B4GALNT3: variants seen among roughly 807,000 people sequenced by gnomAD.
B4GALNT3 encodes beta-1,4-N-acetylgalactosaminyltransferase 3.
In B4GALNT3, 86 loss-of-function variants were observed where a neutral mutation model predicts 120.2. The ratio of observed to expected loss-of-function variants is 0.72; its 90% CI spans 0.60 to 0.86. B4GALNT3 has a LOEUF of 0.86. Ranked by LOEUF, B4GALNT3 falls within the 40% of genes least tolerant of loss-of-function variation. B4GALNT3 has a pLI of 0.00. For synonymous variants in B4GALNT3, 518 were observed against 510.4 expected (o/e 1.01, Z -0.20); for missense variants, 1,167 against 1,298.9 (o/e 0.90, Z 1.56).
chr12:555,876 C>T (rs892108861), intron 14 of B4GALNT3, among the ~76,000 whole-genome samples: 15 of 152,092 alleles, frequency 9.9e-5, no homozygotes, highest in South Asian at 2.1e-4. Context: ...CTCCGCCTCC[C>T]GGGTTCACGC....
At chr12:500,820 G>T (rs1946431981) in intron 1 of B4GALNT3, among the ~76,000 whole-genome samples, 1 of 138,754 alleles carries the variant, frequency 7.2e-6, no homozygotes, top group Non-Finnish European at 1.5e-5. Flanking sequence ...TAAGCATTTT[G>T]AACTCACCCC....
At position 483,852 on chromosome 12, in the gene B4GALNT3, G is replaced by T. The variant is rs1480688172; in HGVS notation, c.169+23307G>T. Among the ~76,000 whole-genome samples the T allele has an allele frequency of 5.3e-5, 8 of 152,148 alleles. No homozygotes were observed. The East Asian group carries it at 1.5e-3, about 29-fold the overall frequency. On this transcript the variant is annotated intron_variant, in intron 1 of 19. Coordinates refer to ENST00000266383, the MANE Select transcript of B4GALNT3 (RefSeq NM_173593.4). ...CAGAGTTTCATGGTGAATCTTCTTTGCAGTCAGATTCAAGTGCTCACATCT... is the reference window on the plus strand; with the variant it reads ...CAGAGTTTCATGGTGAATCTTCTTTTCAGTCAGATTCAAGTGCTCACATCT...
In B4GALNT3 at chr12:512,656, CCTT is replaced by C. The variant is rs1194896354; in HGVS notation, c.170-22505_170-22503del. ...TCCGCCTTCCACCTTCCACCTTCCA[CCTT>C]CTTCCACCTTCCACCTTCCACCTTC... On this transcript the variant is annotated intron_variant, in intron 1 of 19. Transcript: ENST00000266383. 7.8e-3 allele frequency among the ~76,000 whole-genome samples: 992 copies of C among 127,486 alleles called. 47 individuals are homozygous for C. The highest frequency in any genetic ancestry group is 0.027 in the African/African-American group (890 of 32,904). 83.6% of individuals were successfully genotyped at this position (127,486 alleles called of 152,430 possible). A position where few individuals can be genotyped will look rare whatever the true frequency, so the allele number is the denominator to read the frequency against.
At chr12:502,978 C>T (rs772190855) in intron 1 of B4GALNT3, among the ~76,000 whole-genome samples, 23 of 151,996 alleles carry the variant, frequency 1.5e-4, no homozygotes, top group Non-Finnish European at 1.6e-4. Context: ...AGGCTGGTCT[C>T]GAACTCCAAG....
At chr12:522,795 A>G (rs1017958238) in intron 1 of B4GALNT3, among the ~76,000 whole-genome samples, 2 of 151,712 alleles carry the variant, frequency 1.3e-5, no homozygotes, top group African/African-American at 4.8e-5. Flanking sequence ...AAAATTAGCC[A>G]GGCATGGTGG....
intron 1 of B4GALNT3, among the ~76,000 whole-genome samples, chr12:464,468 A>G (rs1946056813): frequency 6.6e-6 from 1 of 151,774 alleles, no homozygotes; most frequent in Non-Finnish European, 1.5e-5. Flanking sequence ...CATCTCTACT[A>G]AAAAAGATTA....
intron 1 of B4GALNT3, among the ~76,000 whole-genome samples, chr12:533,677 C>A (rs1391132081): frequency 1.3e-5 from 2 of 152,174 alleles, no homozygotes; most frequent in Non-Finnish European, 2.9e-5. Flanking sequence ...CGCTCTTTCC[C>A]TATCTGTGAA....
chr12:464,396 G>A (rs906672843), intron 1 of B4GALNT3, among the ~76,000 whole-genome samples: 2 of 152,110 alleles, frequency 1.3e-5, no homozygotes, highest in African/African-American at 4.8e-5. Flanking sequence ...TTGGGAGGCC[G>A]AGGCGGGCAG....
At chr12:512,327 TCCAC>T (rs1946590794) in intron 1 of B4GALNT3, among the ~76,000 whole-genome samples, 1 of 132,058 alleles carries the variant, frequency 7.6e-6, no homozygotes, top group African/African-American at 3.1e-5. Context: ...CCTTCCACCT[TCCAC>T]CTTCCTTCCA....
chr12:469,981 A>G (rs1175003294), intron 1 of B4GALNT3, among the ~76,000 whole-genome samples: 1 of 152,138 alleles, frequency 6.6e-6, no homozygotes, highest in Non-Finnish European at 1.5e-5. Flanking sequence ...TGGCCAGTGT[A>G]CATCCTAGCT....
chr12:514,419 G>A (rs1006470330), intron 1 of B4GALNT3, among the ~76,000 whole-genome samples: 11 of 151,628 alleles, frequency 7.3e-5, no homozygotes, highest in South Asian at 4.2e-4. Flanking sequence ...GGATGGTCTC[G>A]ATCTACTGAC....
intron 1 of B4GALNT3, among the ~76,000 whole-genome samples, chr12:497,492 AC>A (rs1946400217): frequency 1.3e-5 from 2 of 152,310 alleles, no homozygotes; most frequent in South Asian, 4.1e-4. Context: ...TGGATATGCC[AC>A]GTTTTGTTCA....
At chr12:492,451 C>T (rs1242278791) in intron 1 of B4GALNT3, among the ~76,000 whole-genome samples, 1 of 152,150 alleles carries the variant, frequency 6.6e-6, no homozygotes, top group East Asian at 1.9e-4. Context: ...ACAAAACTCT[C>T]ATGAAAGAAA....
intron 14 of B4GALNT3, among the ~76,000 whole-genome samples, chr12:556,002 C>G (rs557999543): frequency 2.5e-4 from 38 of 151,410 alleles, no homozygotes; most frequent in African/African-American, 8.5e-4. Context: ...CCAGGCTGGT[C>G]TTGATCTCCT....
chr12:472,133 T>C (rs936720270), intron 1 of B4GALNT3, among the ~76,000 whole-genome samples: 19 of 152,206 alleles, frequency 1.2e-4, no homozygotes, highest in African/African-American at 4.1e-4. Context: ...ATACAAACTT[T>C]TGTAGGGAAC....
At chr12:514,293 G>C (rs947701290) in intron 1 of B4GALNT3, among the ~76,000 whole-genome samples, 6 of 138,466 alleles carry the variant, frequency 4.3e-5, no homozygotes, top group Non-Finnish European at 8.0e-5. Context: ...CACCTCCCGG[G>C]TTCACGCCAT....
At chr12:461,265 A>C (rs1312646995) in intron 1 of B4GALNT3, among the ~76,000 whole-genome samples, 3 of 152,180 alleles carry the variant, frequency 2.0e-5, no homozygotes, top group Non-Finnish European at 4.4e-5. Context: ...GATGATGGAC[A>C]GCACAGTGGA....
chr12:501,288 A>G (rs1946441991), intron 1 of B4GALNT3, among the ~76,000 whole-genome samples: 1 of 152,228 alleles, frequency 6.6e-6, no homozygotes, highest in South Asian at 2.1e-4. Context: ...TACTACTACT[A>G]AAACTAATCT....
intron 1 of B4GALNT3, among the ~76,000 whole-genome samples, chr12:477,775 C>T (rs978147217): frequency 1.5e-4 from 23 of 152,238 alleles, no homozygotes; most frequent in African/African-American, 2.2e-4. Flanking sequence ...CTGTCTTATC[C>T]GTTATTCTTC....
Sources: allele counts gnomAD v4.1 joint callset (sites outside exome capture counted in the v4.1 genomes callset), GRCh38; gene constraint gnomAD v4.1.1; transcripts MANE v1.5; gene names NCBI Gene and HGNC (gene_info 2026-07-23, HGNC 2026-07-21).